The following OR7D2 variants were observed in gnomAD, a reference collection of about 807,000 sequenced individuals.
The protein encoded by OR7D2 is olfactory receptor 7D2.
For missense variants in OR7D2, 370 were observed against 384.1 expected (o/e 0.96, Z 0.31); for synonymous variants, 158 against 158.7 (o/e 1.00, Z 0.03).
chr19:9,181,413 T>C lies in OR7D2; in HGVS notation c.-14+625T>C, dbSNP rs541185750. 1.1e-3 allele frequency among the ~76,000 whole-genome samples: 169 copies of C among 151,242 alleles called. 1 individual carries two copies. Among genetic ancestry groups the C allele is most frequent in the Middle Eastern group, 6.9e-3 (2 of 290 alleles). On this transcript the variant is annotated intron_variant, in intron 2 of 2. Transcript: ENST00000641288. The stretch of plus-strand genomic sequence containing the variant: ...ATTACATTTGATTGATATGTCTTTT[T>C]TGCCTCCTTTAATCTGGAACATTTC...
chr19:9,179,838 T>C (rs1253619038), intron 1 of OR7D2, among the ~76,000 whole-genome samples: 1 of 151,564 alleles, frequency 6.6e-6, no homozygotes, highest in African/African-American at 2.4e-5. Flanking sequence ...ACCCTGTCTC[T>C]ACTAAAAATA....
At chr19:9,181,034 A>G (rs2050985965) in intron 2 of OR7D2, among the ~76,000 whole-genome samples, 1 of 151,970 alleles carries the variant, frequency 6.6e-6, no homozygotes, top group Admixed American at 6.6e-5. Flanking sequence ...CTGAGGTGGG[A>G]GGATCGCTTA....
At chr19:9,182,879 G>C (rs2051001118) in intron 2 of OR7D2, 1 of 335,006 alleles carries the variant, frequency 3.0e-6, no homozygotes, top group Non-Finnish European at 6.0e-6. Context: ...GACCTCATCG[G>C]CTTCGTTCTC....
At position 9,186,146 on chromosome 19, in the gene OR7D2, G is replaced by A. The variant is rs201893650; in HGVS notation, c.365G>A (p.Arg122Gln). 41 of 1,613,948 alleles carry A rather than the reference G, an allele frequency of 2.5e-5. No homozygotes were observed. In the Admixed American group the frequency reaches 3.2e-4, roughly 12 times the overall value. The part of the protein sequence containing the change: ...TLLLTVMAYD[R>Q]FVAVCHPLHY... Reference sequence around the variant, plus strand: ...CTCCTGACCGTGATGGCCTATGACCGGTTTGTGGCTGTCTGCCACCCTCTG... The same window carrying A: ...CTCCTGACCGTGATGGCCTATGACCAGTTTGTGGCTGTCTGCCACCCTCTG... Residue 122 changes from arginine to glutamine, a missense_variant, in exon 3 of 3, where the codon CGG becomes CAG. Coordinates refer to ENST00000641288, the MANE Select transcript of OR7D2 (RefSeq NM_175883.4).
intron 2 of OR7D2, among the ~76,000 whole-genome samples, chr19:9,183,345 G>C (rs2145980708): frequency 6.6e-6 from 1 of 152,266 alleles, no homozygotes; most frequent in Non-Finnish European, 1.5e-5. Flanking sequence ...CACAATCTCA[G>C]CTCACTGCAT....
chr19:9,183,069 C>T (rs1239633168), intron 2 of OR7D2: 1 of 322,496 alleles, frequency 3.1e-6, no homozygotes, highest in East Asian at 1.0e-4. Context: ...CGAAATTCTA[C>T]TTTGCTTCCC....
At position 9,187,732 on chromosome 19, in the gene OR7D2, A is replaced by T. The variant is rs1385110436; in HGVS notation, c.*1012A>T. On this transcript the variant is annotated 3_prime_UTR_variant, in exon 3 of 3. Coordinates refer to ENST00000641288, the MANE Select transcript of OR7D2 (RefSeq NM_175883.4). ...TTAGCTCCCACTTATAACTGAGAAC[A>T]TACGATATGTTCATATGGATCTTAT... 7 of 167,014 alleles carry T rather than the reference A, an allele frequency of 4.2e-5. No individual in the cohort carries two copies. The South Asian group carries it at 6.2e-4, about 15-fold the overall frequency. 10.3% of individuals were successfully genotyped at this position (167,014 alleles called of 1,614,324 possible).
chr19:9,186,208 C>T lies in OR7D2; in HGVS notation c.427C>T (p.Leu143Phe). ...CATCATGAACCCCCACCTCTGTGGC[C>T]TCCTGGTTTTTGTCACCTGGCTCAT... ...MIIMNPHLCG[L>F]LVFVTWLIGV... Residue 143 changes from leucine to phenylalanine, a missense_variant, in exon 3 of 3, where the codon CTC (leucine) becomes TTC (phenylalanine). Leu to Phe is a conservative substitution (Grantham distance 22). Coordinates refer to ENST00000641288, the MANE Select transcript of OR7D2 (RefSeq NM_175883.4). 1 of 1,614,160 alleles carries T rather than the reference C, an allele frequency of 6.2e-7. No homozygotes were observed.
intron 1 of OR7D2, among the ~76,000 whole-genome samples, chr19:9,179,771 C>T (rs890155937): frequency 2.0e-5 from 3 of 151,844 alleles, no homozygotes; most frequent in East Asian, 3.9e-4. Context: ...TTTAGGAGGC[C>T]GAGGCGGGTG....
At position 9,187,035 on chromosome 19, in the gene OR7D2, C is replaced by G. The variant is rs1475969147; in HGVS notation, c.*315C>G. 1 of 198,004 alleles carries G rather than the reference C, an allele frequency of 5.1e-6. No individual in the cohort carries two copies. The highest frequency in any genetic ancestry group is 1.0e-5 in the Non-Finnish European group (1 of 97,224). The allele number at this position is 198,004 out of a possible 1,614,324, so 12.3% of individuals were successfully genotyped here. ...CCGGGTTCAAGTGATTCTTCTGTCT[C>G]AGCCTCCTGAGTAGCTGAGATTACA... On this transcript the variant is annotated 3_prime_UTR_variant, in exon 3 of 3. Transcript: ENST00000641288.
rs1171995290 is a variant in OR7D2, at chr19:9,188,267, T to G, written c.*1547T>G. On this transcript the variant is annotated 3_prime_UTR_variant, in exon 3 of 3. Transcript: ENST00000641288. ...CCACCCCACCCAGCTAATTCTTCTATTTTTAGTAGAGACAGGGTTTCACCA... is the reference window on the plus strand; with the variant it reads ...CCACCCCACCCAGCTAATTCTTCTAGTTTTAGTAGAGACAGGGTTTCACCA... The G allele has an allele frequency of 1.3e-5, 2 of 152,266 alleles. No homozygotes were observed. Among genetic ancestry groups the G allele is most frequent in the Non-Finnish European group, 2.9e-5 (2 of 68,078 alleles). The allele number at this position is 152,266 out of a possible 1,614,324, so 9.4% of individuals were successfully genotyped here.
chr19:9,186,325 A>T lies in OR7D2; in HGVS notation c.544A>T (p.Thr182Ser), dbSNP rs1410213797. 6.2e-7 allele frequency: 1 copy of T among 1,613,978 alleles called. No homozygotes were observed. Among genetic ancestry groups the T allele is most frequent in the South Asian group, 1.1e-5 (1 of 91,052 alleles). Residue 182 changes from threonine to serine, a missense_variant, in exon 3 of 3, where the codon ACG (threonine) becomes TCG (serine). Thr to Ser is a moderately conservative substitution (Grantham distance 58). Coordinates refer to ENST00000641288, the MANE Select transcript of OR7D2 (RefSeq NM_175883.4). Reference protein sequence around the residue: ...FEIPHFFCELTYILQLACSDT... With the variant: ...FEIPHFFCELSYILQLACSDT... ...AATTCCACATTTTTTCTGCGAACTG[A>T]CGTACATCCTCCAGCTGGCCTGCTC... is the stretch of plus-strand genomic sequence containing the variant.
rs747694480 is a variant in OR7D2, at chr19:9,186,912, C to T, written c.*192C>T. 2.1e-5 allele frequency: 10 copies of T among 482,514 alleles called. No individual in the cohort carries two copies. Among genetic ancestry groups the T allele is most frequent in the Non-Finnish European group, 3.3e-5 (9 of 274,394 alleles). 29.9% of individuals were successfully genotyped at this position (482,514 alleles called of 1,614,324 possible). On this transcript the variant is annotated 3_prime_UTR_variant, in exon 3 of 3. Transcript: ENST00000641288. ...GCGTACCAATTACCTGAATAGTGAA[C>T]ATAAGGCACTTTTTTTTCTTTTTTG...
At chr19:9,183,447 GTTTA>G (rs1237584243) in intron 2 of OR7D2, among the ~76,000 whole-genome samples, 1 of 151,872 alleles carries the variant, frequency 6.6e-6, no homozygotes. Context: ...AGCTAATTTG[GTTTA>G]TTTTTTTGTA....
rs192720028 is a variant in OR7D2 at position 9,179,000 on chromosome 19, A to T, written c.-228A>T. On this transcript the variant is annotated 5_prime_UTR_variant, in exon 1 of 3. Transcript: ENST00000641288. ...GACGCCACACTCATGCATCTTAGAG[A>T]GGAGAGTTAGGATGACTTCATGACA... 7 of 152,278 alleles carry T rather than the reference A, an allele frequency of 4.6e-5. 1 individual carries two copies. The highest frequency in any genetic ancestry group is 4.6e-4 in the Admixed American group (7 of 15,278). The allele number at this position is 152,278 out of a possible 1,614,324, so 9.4% of individuals were successfully genotyped here.
At position 9,186,258 on chromosome 19, in the gene OR7D2, T is replaced by C; in HGVS notation, c.477T>C (p.His159=). The C allele has an allele frequency of 6.2e-7, 1 of 1,614,110 alleles. No homozygotes were observed. Among genetic ancestry groups the C allele is most frequent in the African/African-American group, 1.3e-5 (1 of 75,030 alleles). Reference sequence around the variant, plus strand: ...TTGGTGTCATGACATCCCTCCTCCATATTTCTCTGATGATGCATCTAATCT... The same window carrying C: ...TTGGTGTCATGACATCCCTCCTCCACATTTCTCTGATGATGCATCTAATCT... ...WLIGVMTSLL[H]ISLMMHLIFC... Residue 159 remains histidine, a synonymous_variant, in exon 3 of 3, where the codon CAT becomes CAC. Coordinates refer to ENST00000641288, the MANE Select transcript of OR7D2 (RefSeq NM_175883.4).
At chr19:9,183,739 C>CTT (rs2051007952) in intron 2 of OR7D2, among the ~76,000 whole-genome samples, 4 of 149,282 alleles carry the variant, frequency 2.7e-5, no homozygotes, top group East Asian at 2.0e-4. Context: ...GGGCGGATCA[C>CTT]GAGGTCAGGA....
intron 2 of OR7D2, among the ~76,000 whole-genome samples, chr19:9,184,090 G>A (rs893807589): frequency 7.5e-6 from 1 of 133,760 alleles, no homozygotes; most frequent in African/African-American, 3.3e-5. Flanking sequence ...TAGTGTGAGG[G>A]TTCCTAAAGG....
At chr19:9,179,944 A>G (rs2050978586) in intron 1 of OR7D2, among the ~76,000 whole-genome samples, 1 of 152,076 alleles carries the variant, frequency 6.6e-6, no homozygotes, top group South Asian at 2.1e-4. Flanking sequence ...CAGAGGTTGC[A>G]GTGAGCTGAG....
Sources: gnomAD v4.1 joint callset for allele counts (sites outside exome capture counted in the v4.1 genomes callset) on GRCh38, gnomAD v4.1.1 for gene constraint, MANE v1.5 for transcripts, NCBI Gene and HGNC (gene_info 2026-07-23, HGNC 2026-07-21) for gene names.